The following NECAB2 variants were observed in gnomAD, a reference collection of about 807,000 sequenced individuals.
The protein encoded by NECAB2 is N-terminal EF-hand calcium binding protein 2.
Under a neutral mutation model 51.9 loss-of-function variants are expected in NECAB2, and 68 were observed. The observed-to-expected ratio is 1.31, with a 90% CI of 1.08 to 1.60. NECAB2 has a LOEUF of 1.60. NECAB2 is among the 40% of genes most tolerant of loss of function. The pLI is 0.00. For synonymous variants in NECAB2, 329 were observed against 203.5 expected, an observed-to-expected ratio of 1.62 and a Z score of -5.25; for missense variants, 854 against 490.3, an observed-to-expected ratio of 1.74 and a Z score of -7.00.
chr16:83,971,857 T>C, intron 1 of NECAB2: 2 of 567,402 alleles, frequency 3.5e-6, no homozygotes, highest in Non-Finnish European at 6.3e-6. Flanking sequence ...ACTGTGGACC[T>C]ACACCTGCAG....
chr16:83,999,785 G>A (rs899244919), intron 10 of NECAB2, among the ~76,000 whole-genome samples: 3 of 152,058 alleles, frequency 2.0e-5, no homozygotes, highest in Non-Finnish European at 4.4e-5. Context: ...CCTTTGGTCA[G>A]GTCAGGTACA....
At chr16:83,986,459 TC>T (rs1374965004) in intron 5 of NECAB2, among the ~76,000 whole-genome samples, 1 of 152,160 alleles carries the variant, frequency 6.6e-6, no homozygotes, top group Non-Finnish European at 1.5e-5. Context: ...ATGGTCACTA[TC>T]CCAGGGCAAC....
In NECAB2 at chr16:83,998,254, G is replaced by A. The variant is rs774442319; in HGVS notation, c.899G>A (p.Ser300Asn). ...ATGGCCGTGTGCCCCGAGCAACTGA[G>A]CGAGTTTCTGGACTCTCTGCGCCAG... is the stretch of plus-strand genomic sequence containing the variant. ...QEMAVCPEQL[S>N]EFLDSLRQYL... Residue 300 changes from serine (S) to asparagine (N), a missense_variant, in exon 10 of 13, where the codon AGC becomes AAC. Transcript: ENST00000305202. The A allele has an allele frequency of 1.2e-6, 2 of 1,612,982 alleles. No individual in the cohort carries two copies. The highest frequency in any genetic ancestry group is 1.7e-6 in the Non-Finnish European group (2 of 1,180,006).
rs182642751 is a variant in NECAB2, at chr16:83,999,387, G to A, written c.962+1070G>A. 3.0e-3 allele frequency among the ~76,000 whole-genome samples: 461 copies of A among 152,312 alleles called. 2 individuals carry two copies. Among genetic ancestry groups the A allele is most frequent in the African/African-American group, 6.0e-3 (249 of 41,554 alleles). ...CTCCAGGGTGAAGTAGGGCCACCCC[G>A]ATGCGCTGTGGAGAGGAGGCACGGT... On this transcript the variant is annotated intron_variant, in intron 10 of 12. Transcript: ENST00000305202.
chr16:83,999,039 G>T (rs1809562859), intron 10 of NECAB2, among the ~76,000 whole-genome samples: 1 of 152,130 alleles, frequency 6.6e-6, no homozygotes, highest in Non-Finnish European at 1.5e-5. Flanking sequence ...TCCATCCCCA[G>T]AGCACACACT....
chr16:83,971,848 C>T, intron 1 of NECAB2: 3 of 556,912 alleles, frequency 5.4e-6, no homozygotes, highest in Non-Finnish European at 9.6e-6. Context: ...GGACTGATGA[C>T]TGTGGACCTA....
chr16:83,967,470 A>C (rs993179040), upstream of NECAB2, among the ~76,000 whole-genome samples: 1 of 5,020 alleles, frequency 2.0e-4, no homozygotes. Flanking sequence ...GGATGGATGG[A>C]TGGGAGGGAG....
At chr16:83,977,330 G>A (rs1567665764) in intron 2 of NECAB2, among the ~76,000 whole-genome samples, 1 of 152,192 alleles carries the variant, frequency 6.6e-6, no homozygotes, top group Admixed American at 6.5e-5. Context: ...GGGCAGGTGG[G>A]GGATGAGCTT....
intron 5 of NECAB2, among the ~76,000 whole-genome samples, chr16:83,989,466 A>T (rs2084594880): frequency 6.6e-6 from 1 of 152,140 alleles, no homozygotes. Flanking sequence ...AGTCAGAGTG[A>T]TGGATGGTTT....
chr16:83,985,973 C>G (rs977387950), intron 5 of NECAB2, among the ~76,000 whole-genome samples: 1 of 152,094 alleles, frequency 6.6e-6, no homozygotes, highest in African/African-American at 2.4e-5. Flanking sequence ...AAAATTATGT[C>G]TCTTCTGCAG....
chr16:83,999,541 C>G (rs111925880), intron 10 of NECAB2, among the ~76,000 whole-genome samples: 1 of 152,104 alleles, frequency 6.6e-6, no homozygotes, highest in Non-Finnish European at 1.5e-5. Context: ...GAATCCAGCC[C>G]GGCCCCTTCC....
intron 1 of NECAB2, 69 bp downstream of exon 1, chr16:83,968,918 G>A: frequency 1.0e-6 from 1 of 989,830 alleles, no homozygotes; most frequent in Non-Finnish European, 1.2e-6. Flanking sequence ...CCGCCCCTCG[G>A]GCGGACCCCG....
rs777928717 is a variant in NECAB2, at chr16:83,998,177, C to A, written c.850-28C>A. Reference sequence around the variant, plus strand: ...TAGGGAGAAGGCCTGACGTGGAGCCCCACACTGACTCCTGCTGTGCCCGGC... The same window carrying A: ...TAGGGAGAAGGCCTGACGTGGAGCCACACACTGACTCCTGCTGTGCCCGGC... On this transcript the variant is annotated intron_variant, in intron 9 of 12. Coordinates refer to ENST00000305202, the MANE Select transcript of NECAB2 (RefSeq NM_019065.3). The A allele has an allele frequency of 2.5e-6, 4 of 1,597,828 alleles. No homozygotes were observed. The African/African-American group carries it at 4.0e-5, about 16-fold the overall frequency.
At chr16:83,976,833 AC>A (rs912231549) in intron 2 of NECAB2, among the ~76,000 whole-genome samples, 3 of 151,258 alleles carry the variant, frequency 2.0e-5, no homozygotes, top group African/African-American at 4.9e-5. Flanking sequence ...AGATCTGAGG[AC>A]CCCCCCTCTC....
upstream of NECAB2, chr16:83,965,740 C>G: frequency 6.2e-7 from 1 of 1,613,610 alleles, no homozygotes; most frequent in Non-Finnish European, 8.5e-7. Context: ...TGTTTGGGGT[C>G]TCCCTGGTGC....
At chr16:83,998,170 T>G (rs751280969) in intron 9 of NECAB2, 35 bp from the exon 10 acceptor site, 1 of 1,588,922 alleles carries the variant, frequency 6.3e-7, no homozygotes, top group Non-Finnish European at 8.6e-7. Flanking sequence ...AGGCCTGACG[T>G]GGAGCCCCAC....
At chr16:83,999,058 C>T (rs1187977927) in intron 10 of NECAB2, among the ~76,000 whole-genome samples, 2 of 152,188 alleles carry the variant, frequency 1.3e-5, no homozygotes, top group Non-Finnish European at 2.9e-5. Context: ...CTCATTCACC[C>T]CATTGCCTGG....
intron 1 of NECAB2, among the ~76,000 whole-genome samples, chr16:83,970,202 CG>C (rs977927595): frequency 6.6e-6 from 1 of 151,780 alleles, no homozygotes; most frequent in Non-Finnish European, 1.5e-5. Flanking sequence ...GAGTGATGAG[CG>C]GGGGGTGGGG....
intron 5 of NECAB2, among the ~76,000 whole-genome samples, chr16:83,986,644 C>G (rs368288469): frequency 1.3e-5 from 2 of 151,674 alleles, no homozygotes; most frequent in East Asian, 1.9e-4. Flanking sequence ...TTCCAAGTAG[C>G]TGGGAACACA....
Sources: allele counts gnomAD v4.1 joint callset (sites outside exome capture counted in the v4.1 genomes callset), GRCh38; gene constraint gnomAD v4.1.1; transcripts MANE v1.5; gene names NCBI Gene and HGNC (gene_info 2026-07-23, HGNC 2026-07-21).